RIT2: variants seen among roughly 807,000 people sequenced by gnomAD.
The protein encoded by RIT2 is GTP-binding protein Rit2.
Under a neutral mutation model 23.7 loss-of-function variants are expected in RIT2, and 24 were observed. The observed-to-expected ratio is 1.01, with a 90% CI of 0.73 to 1.43. The LOEUF (loss-of-function observed/expected upper bound fraction) is 1.43, where lower values mean the gene tolerates loss of function less well. RIT2 is among the 40% of genes most tolerant of loss of function. RIT2 has a pLI of 0.00. For missense variants in RIT2, 236 were observed against 266.9 expected, an observed-to-expected ratio of 0.88 and a Z score of 0.81; for synonymous variants, 107 against 91.1, an observed-to-expected ratio of 1.17 and a Z score of -0.99.
intron 3 of RIT2, among the ~76,000 whole-genome samples, chr18:42,928,743 T>C (rs748400493): frequency 2.6e-5 from 4 of 151,926 alleles, no homozygotes; most frequent in Non-Finnish European, 5.9e-5. Flanking sequence ...GTTATGTCAA[T>C]TTAAATGAAA....
At chr18:42,787,700 C>T (rs1913953487) in intron 4 of RIT2, among the ~76,000 whole-genome samples, 1 of 152,016 alleles carries the variant, frequency 6.6e-6, no homozygotes, top group African/African-American at 2.4e-5. Context: ...ATATGTCTTT[C>T]CTTAACTATT....
At chr18:42,785,192 C>T (rs558475781) in intron 4 of RIT2, among the ~76,000 whole-genome samples, 3 of 152,180 alleles carry the variant, frequency 2.0e-5, no homozygotes, top group South Asian at 4.1e-4. Flanking sequence ...AGTTGAGATA[C>T]TGCATTTTTG....
intron 4 of RIT2, among the ~76,000 whole-genome samples, chr18:42,853,714 T>C (rs1341016709): frequency 1.3e-5 from 2 of 152,190 alleles, no homozygotes; most frequent in Non-Finnish European, 2.9e-5. Context: ...TTCAGTCTAG[T>C]AAAGTCCTGT....
intron 4 of RIT2, among the ~76,000 whole-genome samples, chr18:42,871,742 G>T (rs663446): frequency 0.017 from 2,644 of 152,296 alleles, 100 homozygotes; most frequent in African/African-American, 0.06. Context: ...TGGCCAGTGT[G>T]CTGGGCTTAC....
chr18:43,091,742 C>A (rs944782030), intron 1 of RIT2, among the ~76,000 whole-genome samples: 1 of 152,026 alleles, frequency 6.6e-6, no homozygotes, highest in African/African-American at 2.4e-5. Context: ...ACAAAGATGA[C>A]CTTTGGATTA....
chr18:42,774,525 T>C (rs1364581863), intron 4 of RIT2, among the ~76,000 whole-genome samples: 5 of 151,888 alleles, frequency 3.3e-5, no homozygotes, highest in Non-Finnish European at 5.9e-5. Flanking sequence ...CTCACTATCA[T>C]TTCCCCAGAC....
chr18:42,987,856 G>A lies in RIT2; in HGVS notation c.161-13709C>T, dbSNP rs114400550. ...TGTCATGTGATGAGAGAGGGAGGAA[G>A]AGAGAGGGAAAAAGAGGGCAGGCTC... On this transcript the variant is annotated intron_variant, in intron 2 of 4. Coordinates refer to ENST00000326695, the MANE Select transcript of RIT2 (RefSeq NM_002930.4). Among the ~76,000 whole-genome samples, 431 of 152,186 alleles carry A rather than the reference G, an allele frequency of 2.8e-3. 2 individuals carry two copies. Among genetic ancestry groups the A allele is most frequent in the African/African-American group, 9.7e-3 (403 of 41,552 alleles).
At chr18:43,058,296 G>T (rs1377143456) in intron 1 of RIT2, among the ~76,000 whole-genome samples, 2 of 152,104 alleles carry the variant, frequency 1.3e-5, no homozygotes, top group Non-Finnish European at 2.9e-5. Flanking sequence ...ACTAGCATGA[G>T]AAGCCCAGGT....
In RIT2 at chr18:42,992,890, C is replaced by A. The variant is rs151233962; in HGVS notation, c.161-18743G>T. Among the ~76,000 whole-genome samples, 1,225 of 152,218 alleles carry A rather than the reference C, an allele frequency of 8.0e-3. 26 individuals carry two copies. The highest frequency in any genetic ancestry group is 0.028 in the African/African-American group (1,159 of 41,532). The stretch of plus-strand genomic sequence containing the variant: ...AAAGGTCAGAAGGCCGTTTTATTAT[C>A]AATATGCATTTTATTTTATTACCCA... On this transcript the variant is annotated intron_variant, in intron 2 of 4. Coordinates refer to ENST00000326695, the MANE Select transcript of RIT2 (RefSeq NM_002930.4).
intron 4 of RIT2, among the ~76,000 whole-genome samples, chr18:42,768,654 C>G (rs529551952): frequency 1.3e-5 from 2 of 152,012 alleles, no homozygotes; most frequent in Admixed American, 1.3e-4. Flanking sequence ...AACAGAAATT[C>G]ACAAATTTAT....
chr18:42,769,138 T>C (rs1913490959), intron 4 of RIT2, among the ~76,000 whole-genome samples: 1 of 152,070 alleles, frequency 6.6e-6, no homozygotes, highest in Admixed American at 6.6e-5. Context: ...TGTTTCTACC[T>C]AAGAAAAAAG....
chr18:43,011,888 A>G (rs1057149982), intron 2 of RIT2, among the ~76,000 whole-genome samples: 8 of 151,876 alleles, frequency 5.3e-5, no homozygotes, highest in African/African-American at 1.4e-4. Context: ...CCTCTTAAAC[A>G]TATTTTTGTA....
At chr18:43,028,249 A>G (rs944844914) in intron 2 of RIT2, among the ~76,000 whole-genome samples, 1 of 152,140 alleles carries the variant, frequency 6.6e-6, no homozygotes, top group African/African-American at 2.4e-5. Context: ...TAAGGTGATC[A>G]GAGGTCTCTC....
rs117159513 is a variant in RIT2 at position 42,884,006 on chromosome 18, T to C, written c.426+39566A>G. 4.9e-4 allele frequency among the ~76,000 whole-genome samples: 75 copies of C among 152,348 alleles called. 2 individuals carry two copies. In the East Asian group the frequency reaches 0.014, roughly 28 times the overall value. ...ACATTTGCAAGCCAATAAACTTCTATGTAATAACCCAAATAAACCCAAATT... is the reference window on the plus strand; with the variant it reads ...ACATTTGCAAGCCAATAAACTTCTACGTAATAACCCAAATAAACCCAAATT... On this transcript the variant is annotated intron_variant, in intron 4 of 4. Coordinates refer to ENST00000326695, the MANE Select transcript of RIT2 (RefSeq NM_002930.4).
At chr18:42,860,959 G>C (rs948537212) in intron 4 of RIT2, among the ~76,000 whole-genome samples, 2 of 152,194 alleles carry the variant, frequency 1.3e-5, no homozygotes, top group African/African-American at 4.8e-5. Context: ...GCATGTGTAT[G>C]GGTGTGTGTG....
At chr18:42,955,038 C>A (rs923455012) in intron 3 of RIT2, among the ~76,000 whole-genome samples, 3 of 152,150 alleles carry the variant, frequency 2.0e-5, no homozygotes, top group East Asian at 1.9e-4. Context: ...TGTCTCCATG[C>A]AGATATGAGG....
chr18:42,814,546 C>A (rs984536829), intron 4 of RIT2, among the ~76,000 whole-genome samples: 2 of 152,138 alleles, frequency 1.3e-5, no homozygotes, highest in African/African-American at 4.8e-5. Flanking sequence ...CCCCATCCCC[C>A]ACAGCAGGTG....
intron 1 of RIT2, among the ~76,000 whole-genome samples, chr18:43,069,258 T>C (rs1372862351): frequency 6.6e-6 from 1 of 152,110 alleles, no homozygotes; most frequent in Admixed American, 6.5e-5. Flanking sequence ...GGTGGCTGTG[T>C]TCCTCCTCTT....
intron 4 of RIT2, among the ~76,000 whole-genome samples, chr18:42,787,535 A>G (rs947609308): frequency 6.6e-6 from 1 of 152,120 alleles, no homozygotes; most frequent in Admixed American, 6.5e-5. Flanking sequence ...ATGTTTTCCA[A>G]ACATGAGTTA....
Sources: gnomAD v4.1 joint callset for allele counts (sites outside exome capture counted in the v4.1 genomes callset) on GRCh38, gnomAD v4.1.1 for gene constraint, MANE v1.5 for transcripts, NCBI Gene and HGNC (gene_info 2026-07-23, HGNC 2026-07-21) for gene names.